MAGI2: variants seen among roughly 807,000 people sequenced by gnomAD.
MAGI2 encodes membrane-associated guanylate kinase, WW and PDZ domain-containing protein 2.
Under a neutral mutation model 133.3 loss-of-function variants are expected in MAGI2, and 35 were observed. That is an observed-to-expected ratio of 0.26 (90% CI 0.20 to 0.35). MAGI2 has a LOEUF of 0.35. Among genes scored for constraint, MAGI2 ranks in the 10% least tolerant of loss-of-function variants. MAGI2 has a pLI of 1.00. For synonymous variants in MAGI2, 729 were observed against 710.6 expected, an observed-to-expected ratio of 1.03 and a Z score of -0.41; for missense variants, 1,636 against 1,863.4, an observed-to-expected ratio of 0.88 and a Z score of 2.25.
chr7:78,350,183 G>T (rs1791358112), intron 7 of MAGI2: 1 of 152,168 alleles, frequency 6.6e-6, no homozygotes, highest in Non-Finnish European at 1.5e-5. Context: ...AAGGACTCAG[G>T]ATATTTAAGG....
At chr7:78,069,738 G>A (rs1814285523) in intron 21 of MAGI2, among the ~76,000 whole-genome samples, 1 of 151,990 alleles carries the variant, frequency 6.6e-6, no homozygotes, top group Non-Finnish European at 1.5e-5. Flanking sequence ...ACTTCTTTAA[G>A]GTCTTCCCCA....
chr7:79,038,139 T>C (rs921358281), intron 1 of MAGI2, among the ~76,000 whole-genome samples: 4 of 152,218 alleles, frequency 2.6e-5, no homozygotes, highest in Admixed American at 2.6e-4. Flanking sequence ...AGTGATATTC[T>C]AACTGTATTA....
At chr7:78,945,507 A>G (rs1208609563) in intron 2 of MAGI2, among the ~76,000 whole-genome samples, 5 of 152,226 alleles carry the variant, frequency 3.3e-5, no homozygotes, top group Non-Finnish European at 7.3e-5. Flanking sequence ...TGTGGTAAGA[A>G]CAAATAACAT....
At chr7:78,749,310 T>G (rs1823229804) in intron 2 of MAGI2, among the ~76,000 whole-genome samples, 1 of 152,128 alleles carries the variant, frequency 6.6e-6, no homozygotes, top group Admixed American at 6.5e-5. Flanking sequence ...AAGGCACTAT[T>G]CTAAACAGTG....
intron 1 of MAGI2, among the ~76,000 whole-genome samples, chr7:79,018,669 C>A (rs1289119557): frequency 6.6e-6 from 1 of 152,188 alleles, no homozygotes; most frequent in Admixed American, 6.5e-5. Flanking sequence ...CATGAAGTGG[C>A]AGCCATAGGC....
At chr7:78,474,006 C>A (rs1434805274) in intron 6 of MAGI2, among the ~76,000 whole-genome samples, 2 of 151,998 alleles carry the variant, frequency 1.3e-5, no homozygotes, top group Non-Finnish European at 2.9e-5. Flanking sequence ...GTGCCCCTGT[C>A]ATCACCAGAG....
At chr7:78,199,995 A>G (rs1829990) in intron 11 of MAGI2, among the ~76,000 whole-genome samples, 80,512 of 152,086 alleles carry the variant, frequency 0.53, 21,804 homozygotes, top group Non-Finnish European at 0.59. Flanking sequence ...TTGGTGGTGA[A>G]AGGAAGGAAC....
chr7:79,175,395 C>T (rs768474214), intron 1 of MAGI2, among the ~76,000 whole-genome samples: 14 of 151,794 alleles, frequency 9.2e-5, no homozygotes, highest in Non-Finnish European at 1.6e-4. Context: ...CTCTCTGTTG[C>T]CCCCTTCCCA....
chr7:78,592,513 A>G (rs1048745872), intron 3 of MAGI2, among the ~76,000 whole-genome samples: 1 of 152,216 alleles, frequency 6.6e-6, no homozygotes, highest in Non-Finnish European at 1.5e-5. Flanking sequence ...AAAAATAAGG[A>G]ATTTTATTGA....
chr7:78,101,663 C>T (rs1818221866), intron 20 of MAGI2, among the ~76,000 whole-genome samples: 1 of 152,016 alleles, frequency 6.6e-6, no homozygotes, highest in Admixed American at 6.6e-5. Flanking sequence ...TTGGATATGA[C>T]ACTAAAAGCA....
intron 2 of MAGI2, among the ~76,000 whole-genome samples, chr7:78,804,162 G>C (rs944907375): frequency 1.3e-5 from 2 of 152,036 alleles, no homozygotes; most frequent in African/African-American, 4.8e-5. Context: ...CAAGTACTAC[G>C]TTTTCCAATA....
rs2150608727 is a variant in MAGI2 at position 78,160,208 on chromosome 7, T to G, written c.2662A>C (p.Ser888Arg). 6 of 1,612,678 alleles carry G rather than the reference T, an allele frequency of 3.7e-6. No individual in the cohort carries two copies. In the East Asian group the frequency reaches 1.3e-4, roughly 36 times the overall value. Residue 888 changes from serine to arginine, a missense_variant, in exon 16 of 22, where the codon AGT becomes CGT. Physicochemically the swap from Ser to Arg is moderately radical, Grantham distance 110 (BLOSUM62 -1). This residue lies in a region of MAGI2 where 920 missense variants were observed against 1,093.5 expected (regional missense o/e 0.84). Coordinates refer to ENST00000354212, the MANE Select transcript of MAGI2 (RefSeq NM_012301.4). ...SVSTHHSSPR[S>R]DYATYTNSNH... is the part of the protein sequence containing the mutation. ...CTGTTGGTGTAGGTTGCGTAGTCAC[T>G]GCGTGGAGAGCTGTGGTGGGTGGAT...
chr7:78,291,619 G>C (rs1426692798), intron 9 of MAGI2, among the ~76,000 whole-genome samples: 2 of 152,126 alleles, frequency 1.3e-5, no homozygotes, highest in South Asian at 2.1e-4. Flanking sequence ...GCCTGGCAGA[G>C]ACACAACAGA....
In MAGI2 at chr7:78,330,335, C is replaced by CTTATTTAATCAACAA. The variant is rs1584899940; in HGVS notation, c.1408+13442_1408+13443insTTGTTGATTAAATAA. ...AGTGCTGCATAGAAAGATTCCTTCA[C>CTTATTTAATCAACAA]GGCCGGGCGCGGTGGCTCACGCCTG... On this transcript the variant is annotated intron_variant, in intron 9 of 21. Transcript: ENST00000354212. 1.7e-3 allele frequency among the ~76,000 whole-genome samples: 204 copies of CTTATTTAATCAACAA among 117,376 alleles called. 7 individuals are homozygous for CTTATTTAATCAACAA. The highest frequency in any genetic ancestry group is 2.2e-3 in the African/African-American group (66 of 29,740). The allele number at this position is 117,376 out of a possible 152,430, so 77.0% of individuals were successfully genotyped here. A position where few individuals can be genotyped will look rare whatever the true frequency, so the allele number is the denominator to read the frequency against.
intron 2 of MAGI2, among the ~76,000 whole-genome samples, chr7:78,823,590 A>C (rs938394639): frequency 2.0e-5 from 3 of 151,690 alleles, no homozygotes; most frequent in Non-Finnish European, 4.4e-5. Context: ...CAAAAAAAAA[A>C]AAAAAAAAAA....
intron 2 of MAGI2, among the ~76,000 whole-genome samples, chr7:78,942,507 C>G (rs770749193): frequency 6.6e-6 from 1 of 152,096 alleles, no homozygotes; most frequent in Non-Finnish European, 1.5e-5. Context: ...ACTACAGCTG[C>G]TCCCTTCAAA....
chr7:78,335,350 A>G (rs11767477), intron 9 of MAGI2, among the ~76,000 whole-genome samples: 42,106 of 151,986 alleles, frequency 0.28, 6,252 homozygotes, highest in East Asian at 0.54. Flanking sequence ...AGAGAATGGG[A>G]GTGTCTCCAA....
At chr7:78,101,749 C>T (rs1818227414) in intron 20 of MAGI2, among the ~76,000 whole-genome samples, 1 of 152,118 alleles carries the variant, frequency 6.6e-6, no homozygotes, top group Non-Finnish European at 1.5e-5. Flanking sequence ...ACCTTTGTAC[C>T]ACTGTTGATG....
chr7:79,366,342 T>C (rs1410035564), intron 1 of MAGI2, among the ~76,000 whole-genome samples: 4 of 152,074 alleles, frequency 2.6e-5, no homozygotes, highest in Non-Finnish European at 5.9e-5. Context: ...ATAACAACAT[T>C]TTCAAAATGG....
Sources: gnomAD v4.1 joint callset for allele counts (sites outside exome capture counted in the v4.1 genomes callset) on GRCh38, gnomAD v4.1.1 for gene constraint, gnomAD v4.1.1 regional missense constraint, MANE v1.5 for transcripts, NCBI Gene and HGNC (gene_info 2026-07-23, HGNC 2026-07-21) for gene names.